The following GALK2 variants were observed in gnomAD, a reference collection of about 807,000 sequenced individuals.
GALK2 encodes N-acetylgalactosamine kinase.
A neutral mutation model predicts 52.4 loss-of-function variants in GALK2; 36 were observed. The observed-to-expected ratio is 0.69, with a 90% confidence interval of 0.53 to 0.91. The LOEUF (loss-of-function observed/expected upper bound fraction) is 0.91. Ranked by LOEUF, GALK2 falls within the 40% of genes least tolerant of loss-of-function variation. The pLI is 0.00. For synonymous variants in GALK2, 176 were observed against 199.1 expected (o/e 0.88, Z 0.98); for missense variants, 579 against 559.1 (o/e 1.04, Z -0.36).
At chr15:49,179,655 T>TC (rs1490961723) in intron 1 of GALK2, among the ~76,000 whole-genome samples, 101 of 98,742 alleles carry the variant, frequency 1.0e-3, no homozygotes, top group African/African-American at 3.1e-3. Flanking sequence ...TTTCTTTCTT[T>TC]TTTTTTTTTT....
chr15:49,174,982 G>A (rs1171950819), intron 1 of GALK2, among the ~76,000 whole-genome samples: 1 of 152,174 alleles, frequency 6.6e-6, no homozygotes, highest in African/African-American at 2.4e-5. Context: ...GAGTAGGGAA[G>A]AGGAAGTTTG....
At chr15:49,365,640 G>A (rs188444532) in intron 3 of GALK2, 1 of 1,100,544 alleles carries the variant, frequency 9.1e-7, no homozygotes, top group East Asian at 2.4e-5. Context: ...CATCATAGAG[G>A]AGGAGAAGGC....
chr15:49,360,119 C>T (rs988407971), intron 3 of GALK2, among the ~76,000 whole-genome samples: 2 of 150,182 alleles, frequency 1.3e-5, no homozygotes, highest in Non-Finnish European at 1.5e-5. Flanking sequence ...GGGATAGCAT[C>T]AGGAGATATA....
At chr15:49,326,330 G>A (rs1263387826) in intron 9 of GALK2, among the ~76,000 whole-genome samples, 2 of 138,688 alleles carry the variant, frequency 1.4e-5, no homozygotes, top group Admixed American at 8.2e-5. Flanking sequence ...GTGCAATCTC[G>A]GCTCACTGCA....
At chr15:49,208,470 C>G (rs1399571403) in intron 2 of GALK2, among the ~76,000 whole-genome samples, 1 of 152,070 alleles carries the variant, frequency 6.6e-6, no homozygotes, top group Non-Finnish European at 1.5e-5. Flanking sequence ...TTTGAAGGTT[C>G]CTTTTATAGT....
At chr15:49,183,880 C>A (rs565118142) in intron 1 of GALK2, among the ~76,000 whole-genome samples, 4 of 151,138 alleles carry the variant, frequency 2.6e-5, no homozygotes, top group Non-Finnish European at 5.9e-5. Context: ...GTTTTGTGGC[C>A]TAACATATGG....
chr15:49,360,006 G>A lies in GALK2; in HGVS notation c.427-7485G>A, dbSNP rs1249242011. Among the ~76,000 whole-genome samples, 26 of 145,082 alleles carry A rather than the reference G, an allele frequency of 1.8e-4. No individual in the cohort carries two copies. In the East Asian group the frequency reaches 4.3e-3, roughly 24 times the overall value. ...TCGCAAGAACAAAAAACCAAACACC[G>A]CATATTCTCACTCATAGGTGGGAAT... On this transcript the variant is annotated intron_variant, in intron 3 of 3. Transcript: ENST00000558399.
intron 3 of GALK2, among the ~76,000 whole-genome samples, chr15:49,345,512 A>T (rs1158154509): frequency 6.6e-6 from 1 of 152,176 alleles, no homozygotes; most frequent in Non-Finnish European, 1.5e-5. Flanking sequence ...TTTTTTCCGA[A>T]TTAGATAAAA....
At chr15:49,345,856 TGAA>T (rs1186254834) in intron 3 of GALK2, among the ~76,000 whole-genome samples, 1 of 152,096 alleles carries the variant, frequency 6.6e-6, no homozygotes, top group Non-Finnish European at 1.5e-5. Flanking sequence ...AGATTAGAAA[TGAA>T]GAAACTGAAG....
intron 7 of GALK2, among the ~76,000 whole-genome samples, chr15:49,285,585 C>G (rs1456029421): frequency 6.6e-6 from 1 of 152,168 alleles, no homozygotes; most frequent in Non-Finnish European, 1.5e-5. Flanking sequence ...AGCTCCAAAC[C>G]TCTATATCCC....
intron 5 of GALK2, among the ~76,000 whole-genome samples, chr15:49,264,981 C>G (rs1408078954): frequency 6.6e-6 from 1 of 152,212 alleles, no homozygotes; most frequent in Non-Finnish European, 1.5e-5. Flanking sequence ...CAGTCTGCCC[C>G]TACTGGGGGG....
Position 49,319,711 on chromosome 15 carries a change from C to G in GALK2, c.1075C>G (p.Leu359Val). The G allele has an allele frequency of 6.2e-7, 1 of 1,614,088 alleles. No individual in the cohort carries two copies. Among genetic ancestry groups the G allele is most frequent in the Non-Finnish European group, 8.5e-7 (1 of 1,179,996 alleles). The change falls in exon 9 of 10, where the codon CTG becomes GTG. Residue 359 changes from leucine to valine, a missense_variant. Physicochemically the swap from Leu to Val is conservative, Grantham distance 32. Transcript: ENST00000560031. ...AGAAGCACCTGAAAACATGGTCCAG[C>G]TGCTGGGAGAGTTGATGAACCAGAG... Reference protein sequence around the residue: ...CEEAPENMVQLLGELMNQSHM... With the variant: ...CEEAPENMVQVLGELMNQSHM...
chr15:49,294,473 G>T (rs1409056865), intron 8 of GALK2, among the ~76,000 whole-genome samples: 1 of 152,174 alleles, frequency 6.6e-6, no homozygotes, highest in Non-Finnish European at 1.5e-5. Flanking sequence ...TTGTGTGTGT[G>T]TGTTGTATAG....
chr15:49,326,347 A>G (rs1243814932), intron 9 of GALK2, among the ~76,000 whole-genome samples: 4 of 134,254 alleles, frequency 3.0e-5, no homozygotes, highest in Non-Finnish European at 4.6e-5. Context: ...TGCAACCTCC[A>G]CCTCCTGGGT....
intron 9 of GALK2, 146 bp downstream of exon 9, chr15:49,319,951 C>T: frequency 2.9e-6 from 2 of 691,276 alleles, no homozygotes; most frequent in Non-Finnish European, 2.4e-6. Context: ...CAGAGCTACA[C>T]TTGTTCCCTT....
chr15:49,162,602 C>T (rs754111381), intron 1 of GALK2, among the ~76,000 whole-genome samples: 1 of 152,124 alleles, frequency 6.6e-6, no homozygotes, highest in Non-Finnish European at 1.5e-5. Context: ...AACTAAAATA[C>T]AGCAAAGGTG....
intron 8 of GALK2, among the ~76,000 whole-genome samples, chr15:49,315,191 A>C (rs190680193): frequency 1.5e-4 from 23 of 152,298 alleles, no homozygotes; most frequent in Admixed American, 1.4e-3. Context: ...TCCCGCTTTG[A>C]AGTTTTGGAT....
In GALK2 at chr15:49,178,584, A is replaced by G. The variant is rs567601162; in HGVS notation, c.53+8209A>G. On this transcript the variant is annotated intron_variant, in intron 1 of 9. Coordinates refer to ENST00000560031, the MANE Select transcript of GALK2 (RefSeq NM_002044.4). ...ATAACGTAAACTTGCTTGGCCTTGT[A>G]GCCCTGTCGGTGCACTTTTTTGGGC... 1.3e-5 allele frequency: 3 copies of G among 232,642 alleles called. No individual in the cohort carries two copies. In the South Asian group the frequency reaches 1.9e-4, roughly 14 times the overall value. 14.4% of individuals were successfully genotyped at this position (232,642 alleles called of 1,614,324 possible). A position where few individuals can be genotyped will look rare whatever the true frequency, so the allele number is the denominator to read the frequency against.
rs532409104 is a variant in GALK2, at chr15:49,201,399, A to T, written c.142+149A>T. 5.7e-6 allele frequency: 3 copies of T among 522,226 alleles called. No homozygotes were observed. The Admixed American group carries it at 1.0e-4, about 18-fold the overall frequency. 32.3% of individuals were successfully genotyped at this position (522,226 alleles called of 1,614,324 possible). The stretch of plus-strand genomic sequence containing the variant: ...TAAGATGTGCCTTTGCATAAGGAAC[A>T]CACTTTACTTTTATCTTTCCCAATC... On this transcript the variant is annotated intron_variant, in intron 2 of 9. Transcript: ENST00000560031.
Sources: allele counts gnomAD v4.1 joint callset (sites outside exome capture counted in the v4.1 genomes callset), GRCh38; gene constraint gnomAD v4.1.1; transcripts MANE v1.5; gene names NCBI Gene and HGNC (gene_info 2026-07-23, HGNC 2026-07-21).